The following ADGRL3 variants were observed in gnomAD, a reference collection of about 807,000 sequenced individuals.
The protein encoded by ADGRL3 is adhesion G protein-coupled receptor L3.
ADGRL3 carries 62 observed loss-of-function variants against 153.5 expected under a neutral mutation model. The ratio of observed to expected loss-of-function variants is 0.40; its 90% CI spans 0.33 to 0.50. The LOEUF is 0.50. Ranked by LOEUF, ADGRL3 falls within the 20% of genes least tolerant of loss-of-function variation. ADGRL3 has a pLI of 0.47. For missense variants in ADGRL3, 1,641 were observed against 1,859.4 expected (o/e 0.88, Z 2.16); for synonymous variants, 710 against 672.5 (o/e 1.06, Z -0.86).
chr4:61,888,392 G>A (rs1182565481), intron 9 of ADGRL3, among the ~76,000 whole-genome samples: 1 of 152,192 alleles, frequency 6.6e-6, no homozygotes, highest in Non-Finnish European at 1.5e-5. Flanking sequence ...TCCATTGCTG[G>A]AATATAAACT....
At chr4:61,961,784 G>T (rs2150499612) in intron 17 of ADGRL3, among the ~76,000 whole-genome samples, 1 of 152,212 alleles carries the variant, frequency 6.6e-6, no homozygotes, top group East Asian at 1.9e-4. Flanking sequence ...AAAAAGATAT[G>T]TCTAAAATTA....
At chr4:61,240,730 T>C (rs1163197264) in intron 1 of ADGRL3, among the ~76,000 whole-genome samples, 1 of 152,094 alleles carries the variant, frequency 6.6e-6, no homozygotes, top group Non-Finnish European at 1.5e-5. Context: ...TTTCCATAAA[T>C]GTTTATTTCT....
chr4:61,606,126 T>TA (rs35842391), intron 5 of ADGRL3, among the ~76,000 whole-genome samples: 17 of 150,338 alleles, frequency 1.1e-4, no homozygotes, highest in East Asian at 3.9e-4. Context: ...AAACTGTACA[T>TA]AAAAAAAAAG....
chr4:61,479,895 A>T lies in ADGRL3; in HGVS notation c.-173-17226A>T, dbSNP rs939397949. On this transcript the variant is annotated intron_variant, in intron 2 of 26. Transcript: ENST00000683033. ...TAAGCTTCTTTAAATTATAATTAAC[A>T]ATTAGGATTTGTATATAGTTAAGGT... is the stretch of plus-strand genomic sequence containing the variant. 3.3e-5 allele frequency among the ~76,000 whole-genome samples: 5 copies of T among 152,256 alleles called. No individual in the cohort carries two copies. In the East Asian group the frequency reaches 9.7e-4, roughly 29 times the overall value.
Position 61,732,784 on chromosome 4 carries a change from T to C in ADGRL3, c.629T>C (p.Val210Ala). ...VFLCPGLLKGVYQSEHLFESD... is the reference protein window; with the variant it reads ...VFLCPGLLKGAYQSEHLFESD... ...CTTTGTCCTGGACTACTAAAAGGAG[T>C]ATACCAGAGTGAACATTTGTTTGAG... is the stretch of plus-strand genomic sequence containing the variant. Residue 210 changes from valine (V) to alanine (A), a missense_variant, in exon 8 of 27, where the codon GTA (valine) becomes GCA (alanine). Physicochemically the swap from Val to Ala is moderately conservative, Grantham distance 64. Coordinates refer to ENST00000683033, the MANE Select transcript of ADGRL3 (RefSeq NM_001387552.1). The C allele has an allele frequency of 1.3e-6, 2 of 1,584,102 alleles. No individual in the cohort carries two copies. The highest frequency in any genetic ancestry group is 8.6e-7 in the Non-Finnish European group (1 of 1,164,798).
intron 1 of ADGRL3, among the ~76,000 whole-genome samples, chr4:61,372,033 G>C (rs2096537794): frequency 6.6e-6 from 1 of 152,172 alleles, no homozygotes; most frequent in Non-Finnish European, 1.5e-5. Context: ...GGCTCCTGAG[G>C]CTTCTGCATT....
At chr4:61,783,738 A>C (rs1400101519) in intron 8 of ADGRL3, among the ~76,000 whole-genome samples, 1 of 152,102 alleles carries the variant, frequency 6.6e-6, no homozygotes, top group Non-Finnish European at 1.5e-5. Flanking sequence ...CAAATAACAA[A>C]ATTTCTTATT....
chr4:61,857,849 A>G (rs2098295581), intron 9 of ADGRL3, among the ~76,000 whole-genome samples: 1 of 152,070 alleles, frequency 6.6e-6, no homozygotes, highest in South Asian at 2.1e-4. Context: ...ATTAGCTGGG[A>G]CTGCAGGCAA....
chr4:61,458,998 T>C (rs1046967919), intron 2 of ADGRL3, among the ~76,000 whole-genome samples: 3 of 151,480 alleles, frequency 2.0e-5, no homozygotes, highest in African/African-American at 7.2e-5. Flanking sequence ...TGGAGAGTAA[T>C]TATTTTCTGA....
At chr4:61,520,682 G>GTGTGTGTGTGTGTGTC (rs763505931) in intron 4 of ADGRL3, among the ~76,000 whole-genome samples, 1,456 of 123,458 alleles carry the variant, frequency 0.012, 22 homozygotes, top group Middle Eastern at 0.033. Context: ...GTGTGTGTGT[G>GTGTGTGTGTGTGTGTC]TGTCTGTCTG....
intron 6 of ADGRL3, among the ~76,000 whole-genome samples, chr4:61,710,077 T>C (rs1002413069): frequency 6.6e-6 from 1 of 152,206 alleles, no homozygotes; most frequent in Non-Finnish European, 1.5e-5. Flanking sequence ...GTTACTTTTA[T>C]AGACATTTAA....
At chr4:61,498,927 A>G (rs915055693) in intron 3 of ADGRL3, among the ~76,000 whole-genome samples, 2 of 152,158 alleles carry the variant, frequency 1.3e-5, no homozygotes, top group African/African-American at 4.8e-5. Flanking sequence ...ATGTTGTAAT[A>G]TAGTCACTCT....
At chr4:61,543,465 C>T (rs1394872579) in intron 4 of ADGRL3, among the ~76,000 whole-genome samples, 1 of 152,186 alleles carries the variant, frequency 6.6e-6, no homozygotes, top group Non-Finnish European at 1.5e-5. Context: ...ACATAGCCTT[C>T]CTGACTGGCT....
At chr4:61,219,699 C>T (rs1354473425) in intron 1 of ADGRL3, among the ~76,000 whole-genome samples, 4 of 152,144 alleles carry the variant, frequency 2.6e-5, no homozygotes. Flanking sequence ...ATTTTATTTT[C>T]CCCGTGTTCT....
chr4:61,637,579 C>A (rs1398679061), intron 5 of ADGRL3, among the ~76,000 whole-genome samples: 11 of 152,108 alleles, frequency 7.2e-5, no homozygotes, highest in Non-Finnish European at 1.3e-4. Flanking sequence ...GCCTGGCAAA[C>A]ATGGTGAAAC....
At chr4:61,318,325 A>G (rs562821800) in intron 1 of ADGRL3, among the ~76,000 whole-genome samples, 6 of 152,232 alleles carry the variant, frequency 3.9e-5, no homozygotes, top group Admixed American at 2.6e-4. Context: ...ACTCATAAAC[A>G]GCACTGGACA....
chr4:61,625,961 G>A (rs924975502), intron 5 of ADGRL3, among the ~76,000 whole-genome samples: 5 of 152,012 alleles, frequency 3.3e-5, no homozygotes, highest in Non-Finnish European at 7.4e-5. Flanking sequence ...GTGTCTGCAA[G>A]TGTGTAACTA....
intron 5 of ADGRL3, among the ~76,000 whole-genome samples, chr4:61,646,962 C>T (rs1003626023): frequency 9.9e-5 from 15 of 152,184 alleles, no homozygotes; most frequent in African/African-American, 2.4e-4. Context: ...GAGCCAGGTG[C>T]GGATATAATC....
chr4:61,921,071 CTAGA>C (rs1435501271), intron 13 of ADGRL3, among the ~76,000 whole-genome samples: 2 of 151,704 alleles, frequency 1.3e-5, no homozygotes, highest in African/African-American at 4.8e-5. Flanking sequence ...CTTTTGAACC[CTAGA>C]TATAGATAAA....
Sources: gnomAD v4.1 joint callset for allele counts (sites outside exome capture counted in the v4.1 genomes callset) on GRCh38, gnomAD v4.1.1 for gene constraint, MANE v1.5 for transcripts, NCBI Gene and HGNC (gene_info 2026-07-23, HGNC 2026-07-21) for gene names.